Variants in ADGRL4 observed in about 807,000 individuals in gnomAD.
ADGRL4 encodes the protein EGF, latrophilin and seven transmembrane domain containing 1.
In ADGRL4, 90 loss-of-function variants were observed where a neutral mutation model predicts 74.8. That is an observed-to-expected ratio of 1.20 (90% confidence interval 1.02 to 1.43). ADGRL4 has a LOEUF of 1.43. Ranked by LOEUF, ADGRL4 falls within the 40% of genes most tolerant of loss-of-function variation. The pLI is 0.00. For synonymous variants in ADGRL4, 311 were observed against 279.2 expected (o/e 1.11, Z -1.14); for missense variants, 881 against 814.3 (o/e 1.08, Z -1.00).
intron 10 of ADGRL4, among the ~76,000 whole-genome samples, chr1:78,918,922 C>T (rs1648939785): frequency 6.6e-6 from 1 of 151,722 alleles, no homozygotes. Context: ...AAAAATGGGA[C>T]AAATTTAATA....
At chr1:78,903,015 A>G (rs936325259) in intron 12 of ADGRL4, among the ~76,000 whole-genome samples, 1 of 152,346 alleles carries the variant, frequency 6.6e-6, no homozygotes, top group African/African-American at 2.4e-5. Context: ...AAATTGGGGT[A>G]CATGAAGAAC....
chr1:78,964,062 A>G (rs1274485453), intron 2 of ADGRL4, among the ~76,000 whole-genome samples: 1 of 152,146 alleles, frequency 6.6e-6, no homozygotes, highest in South Asian at 2.1e-4. Context: ...AACAGTTCAG[A>G]ACCTGGAAAA....
At chr1:78,936,508 G>T in intron 6 of ADGRL4, 97 bp from the exon 7 acceptor site, 1 of 1,109,394 alleles carries the variant, frequency 9.0e-7, no homozygotes. Context: ...CATCATTATT[G>T]TGTTTTAAAT....
chr1:78,940,531 A>T (rs1649454202), intron 3 of ADGRL4, among the ~76,000 whole-genome samples: 1 of 152,158 alleles, frequency 6.6e-6, no homozygotes, highest in Admixed American at 6.6e-5. Context: ...TTATAAGTAC[A>T]GTATAAATAA....
intron 7 of ADGRL4, among the ~76,000 whole-genome samples, chr1:78,930,389 A>C (rs1649213302): frequency 6.6e-6 from 1 of 151,102 alleles, no homozygotes; most frequent in Admixed American, 6.6e-5. Context: ...ATAACAGATA[A>C]ATGATTAAAT....
intron 6 of ADGRL4, among the ~76,000 whole-genome samples, chr1:78,936,633 CT>C (rs34029596): frequency 6.6e-6 from 1 of 151,928 alleles, no homozygotes; most frequent in Non-Finnish European, 1.5e-5. Flanking sequence ...CATGGTTTAA[CT>C]TTTTTTGCAT....
Position 78,921,810 on chromosome 1 carries a change from T to C in ADGRL4, c.1084-24A>G, listed in dbSNP as rs764505762. The C allele has an allele frequency of 2.2e-6, 3 of 1,377,778 alleles. 1 individual carries two copies. In the South Asian group the frequency reaches 5.0e-5, roughly 23 times the overall value. The allele number at this position is 1,377,778 out of a possible 1,614,324, so 85.3% of individuals were successfully genotyped here. On this transcript the variant is annotated intron_variant, in intron 8 of 14. Coordinates refer to ENST00000370742, the MANE Select transcript of ADGRL4 (RefSeq NM_022159.4). ...ACCTGAAAAAAAGATACTTTACTGA[T>C]GAAAAAAGAGAAAAAGTTACATACA...
chr1:78,997,544 T>C (rs944276757), intron 2 of ADGRL4, among the ~76,000 whole-genome samples: 5 of 152,214 alleles, frequency 3.3e-5, no homozygotes, highest in Admixed American at 1.3e-4. Context: ...TGTTGTGTGA[T>C]AGTTCTTTTG....
At chr1:79,001,904 T>A (rs1650852019) in intron 2 of ADGRL4, among the ~76,000 whole-genome samples, 1 of 152,138 alleles carries the variant, frequency 6.6e-6, no homozygotes, top group Admixed American at 6.5e-5. Context: ...AATGCACTGA[T>A]ATCTTTTAAT....
chr1:78,915,817 CATT>C (rs1380220559), intron 12 of ADGRL4, among the ~76,000 whole-genome samples: 1 of 151,812 alleles, frequency 6.6e-6, no homozygotes, highest in African/African-American at 2.4e-5. Context: ...AATATGCAAG[CATT>C]AGCACAGAAG....
chr1:78,925,722 A>T (rs1425464467), intron 8 of ADGRL4, among the ~76,000 whole-genome samples: 2 of 152,048 alleles, frequency 1.3e-5, no homozygotes, highest in East Asian at 3.9e-4. Context: ...AAGTTTTCCC[A>T]GGAATTACCG....
intron 2 of ADGRL4, among the ~76,000 whole-genome samples, chr1:78,991,126 A>G (rs1157368553): frequency 6.6e-6 from 1 of 152,062 alleles, no homozygotes; most frequent in African/African-American, 2.4e-5. Context: ...TACAACTTCA[A>G]TTATGTTTTT....
chr1:79,000,504 C>T (rs1053300246), intron 2 of ADGRL4, among the ~76,000 whole-genome samples: 2 of 152,080 alleles, frequency 1.3e-5, no homozygotes, highest in African/African-American at 2.4e-5. Flanking sequence ...AAATATTAAC[C>T]TAAAGAAAGT....
At chr1:78,985,014 T>C (rs1650465538) in intron 2 of ADGRL4, among the ~76,000 whole-genome samples, 1 of 151,724 alleles carries the variant, frequency 6.6e-6, no homozygotes, top group Admixed American at 6.6e-5. Flanking sequence ...TATATGTATA[T>C]ATATTTGCTT....
chr1:78,914,474 T>G (rs1447348999), intron 12 of ADGRL4, among the ~76,000 whole-genome samples: 1 of 151,814 alleles, frequency 6.6e-6, no homozygotes, highest in East Asian at 1.9e-4. Context: ...AGGATGCAAA[T>G]TCCTAATCAG....
chr1:78,983,456 G>C (rs1407448916), intron 2 of ADGRL4, among the ~76,000 whole-genome samples: 1 of 147,050 alleles, frequency 6.8e-6, no homozygotes, highest in Non-Finnish European at 1.5e-5. Flanking sequence ...TCTAGAATTA[G>C]AAAAAAAAAA....
rs192434395 is a variant in ADGRL4 at position 78,999,617 on chromosome 1, A to G, written c.172+5453T>C. On this transcript the variant is annotated intron_variant, in intron 2 of 14. Coordinates refer to ENST00000370742, the MANE Select transcript of ADGRL4 (RefSeq NM_022159.4). ...TAGAATACAATTTTTATTTAGTTTT[A>G]CATTCCTAGCAGCTTCAAAATATAT... Among the ~76,000 whole-genome samples, 296 of 152,294 alleles carry G rather than the reference A, an allele frequency of 1.9e-3. 1 individual carries two copies. The highest frequency in any genetic ancestry group is 3.4e-3 in the Middle Eastern group (1 of 294).
intron 2 of ADGRL4, among the ~76,000 whole-genome samples, chr1:78,996,053 T>C (rs1469589740): frequency 6.6e-6 from 1 of 152,204 alleles, no homozygotes; most frequent in Non-Finnish European, 1.5e-5. Context: ...TAATATGATA[T>C]ACCACAAGAT....
chr1:78,912,578 C>T (rs1020380783), intron 12 of ADGRL4, among the ~76,000 whole-genome samples: 1 of 151,742 alleles, frequency 6.6e-6, no homozygotes, highest in Non-Finnish European at 1.5e-5. Context: ...GTGGAAAAAT[C>T]GTCTTCCACA....
Sources: allele counts gnomAD v4.1 joint callset (sites outside exome capture counted in the v4.1 genomes callset), GRCh38; gene constraint gnomAD v4.1.1; transcripts MANE v1.5; gene names NCBI Gene and HGNC (gene_info 2026-07-23, HGNC 2026-07-21).